The following AMY2B variants were observed in gnomAD, a reference collection of about 807,000 sequenced individuals.
AMY2B encodes the protein alpha-amylase 2B.
AMY2B carries 63 observed loss-of-function variants against 59.3 expected under a neutral mutation model. The ratio of observed to expected loss-of-function variants is 1.06; its 90% CI spans 0.87 to 1.31. The LOEUF (loss-of-function observed/expected upper bound fraction) is 1.31, where lower values mean the gene tolerates loss of function less well. Among genes scored for constraint, AMY2B ranks in the 50% most tolerant of loss-of-function variants. AMY2B has a pLI of 0.00. For missense variants in AMY2B, 635 were observed against 626.7 expected (o/e 1.01, Z -0.14); for synonymous variants, 180 against 198.1 (o/e 0.91, Z 0.77).
chr1:103,575,293 C>G lies in AMY2B; in HGVS notation c.949C>G (p.Gln317Glu). 1 of 1,613,632 alleles carries G rather than the reference C, an allele frequency of 6.2e-7. No homozygotes were observed. The highest frequency in any genetic ancestry group is 8.5e-7 in the Non-Finnish European group (1 of 1,179,688). Residue 317 changes from glutamine (Q) to glutamate (E), a missense_variant, in exon 6 of 10, where the codon CAA becomes GAA. By Grantham distance (29) the Gln-to-Glu change is conservative (BLOSUM62 2). Coordinates refer to ENST00000684275, the MANE Select transcript of AMY2B (RefSeq NM_001387437.1). ...ALVFVDNHDN[Q>E]RGHGAGGASI... is the part of the protein sequence containing the mutation. ...TGTCTTTGTGGATAACCATGACAATCAACGAGGACATGGGGCTGGAGGAGC... is the reference window on the plus strand; with the variant it reads ...TGTCTTTGTGGATAACCATGACAATGAACGAGGACATGGGGCTGGAGGAGC...
At chr1:103,571,961 A>G in intron 1 of AMY2B, 149 bp from the exon 2 acceptor site, 1 of 1,535,566 alleles carries the variant, frequency 6.5e-7, no homozygotes, top group Non-Finnish European at 8.7e-7. Context: ...TCTTTCTTCA[A>G]CAAGAGCCCT....
At position 103,571,948 on chromosome 1, in the gene AMY2B, T is replaced by C. The variant is rs545877460; in HGVS notation, c.169-162T>C. Among the ~76,000 whole-genome samples, 7 of 152,344 alleles carry C rather than the reference T, an allele frequency of 4.6e-5. No individual in the cohort carries two copies. In the South Asian group the frequency reaches 1.0e-3, roughly 23 times the overall value. On this transcript the variant is annotated intron_variant, in intron 1 of 9. Transcript: ENST00000684275. ...GCAACTTTATATTTTGTTTCTGAGA[T>C]AATCTTTCTTCAACAAGAGCCCTCC... is the stretch of plus-strand genomic sequence containing the variant.
intron 2 of AMY2B, among the ~76,000 whole-genome samples, chr1:103,566,039 C>T (rs1288921112): frequency 1.3e-5 from 2 of 152,130 alleles, no homozygotes; most frequent in African/African-American, 4.8e-5. Flanking sequence ...ACTGTCATGT[C>T]TCCCTCACAC....
rs1416953664 is a variant in AMY2B, at chr1:103,574,464, T to A, written c.878+71T>A. On this transcript the variant is annotated intron_variant, in intron 5 of 9. Transcript: ENST00000684275. ...AGTCATAGTACCCCAGTGTGAGTTA[T>A]CTTCTGGAACATTCTTTTTCAGACA... 66 of 1,603,474 alleles carry A rather than the reference T, an allele frequency of 4.1e-5. 1 individual carries two copies. Among genetic ancestry groups the A allele is most frequent in the Non-Finnish European group, 5.5e-5 (65 of 1,178,672 alleles).
At chr1:103,578,495 G>C (rs1049475206) in intron 9 of AMY2B, among the ~76,000 whole-genome samples, 3 of 152,034 alleles carry the variant, frequency 2.0e-5, no homozygotes, top group African/African-American at 7.2e-5. Context: ...AGAAGACCTC[G>C]TTGCAAACAG....
intron 4 of AMY2B, 120 bp from the exon 5 acceptor site, chr1:103,574,140 G>A (rs1316102886): frequency 6.7e-7 from 1 of 1,488,634 alleles, no homozygotes; most frequent in Non-Finnish European, 9.0e-7. Context: ...ATAATAAATA[G>A]CTTAATTTAT....
At chr1:103,567,722 C>A (rs1394877686), upstream of AMY2B, among the ~76,000 whole-genome samples, 2 of 152,140 alleles carry the variant, frequency 1.3e-5, no homozygotes, top group African/African-American at 4.8e-5. Flanking sequence ...GCCTTAACAG[C>A]TCTCTCTTTC....
intron 1 of AMY2B, among the ~76,000 whole-genome samples, chr1:103,559,687 G>T (rs547527430): frequency 1.3e-5 from 2 of 152,142 alleles, no homozygotes; most frequent in African/African-American, 4.8e-5. Context: ...AATTTCAAGA[G>T]AAAACTCAAA....
chr1:103,570,452 T>TGGC (rs1220379002), upstream of AMY2B: 12 of 754,620 alleles, frequency 1.6e-5, no homozygotes, highest in Non-Finnish European at 2.8e-5. Flanking sequence ...TGCTATCTGG[T>TGGC]GGCAACATGT....
chr1:103,562,695 A>G (rs1360382479), intron 1 of AMY2B, among the ~76,000 whole-genome samples: 4 of 142,812 alleles, frequency 2.8e-5, no homozygotes, highest in Admixed American at 7.0e-5. Flanking sequence ...TTTTTTGTCA[A>G]TGTTAATTCA....
intron 9 of AMY2B, among the ~76,000 whole-genome samples, chr1:103,578,392 G>A (rs1652446214): frequency 6.6e-6 from 1 of 152,086 alleles, no homozygotes; most frequent in Non-Finnish European, 1.5e-5. Flanking sequence ...CAGGGGATTT[G>A]AGTTTTAGTT....
chr1:103,568,873 G>C (rs1199215644), upstream of AMY2B: 1 of 151,654 alleles, frequency 6.6e-6, no homozygotes, highest in Admixed American at 6.6e-5. Flanking sequence ...TTGTTCTCAT[G>C]CTGCTATAAA....
intron 1 of AMY2B, among the ~76,000 whole-genome samples, chr1:103,557,040 C>T (rs1461387475): frequency 1.3e-5 from 2 of 152,120 alleles, no homozygotes; most frequent in Non-Finnish European, 2.9e-5. Flanking sequence ...ATAGAGTTCT[C>T]ATCCCAAGTA....
chr1:103,563,729 G>GA (rs551713946), intron 1 of AMY2B, among the ~76,000 whole-genome samples: 89 of 152,134 alleles, frequency 5.9e-4, no homozygotes, highest in Admixed American at 2.6e-3. Context: ...AATGCATTGT[G>GA]AAAAATGCTG....
upstream of AMY2B, chr1:103,570,297 C>T: frequency 1.7e-6 from 1 of 593,758 alleles, no homozygotes; most frequent in South Asian, 1.4e-5. Flanking sequence ...ATGTCATCAC[C>T]ATCGGCAATG....
chr1:103,562,148 G>T (rs77936339), intron 1 of AMY2B: 1 of 152,100 alleles, frequency 6.6e-6, no homozygotes, highest in Admixed American at 6.6e-5. Flanking sequence ...CCAACTTTTT[G>T]TCTTGAAATA....
intron 4 of AMY2B, 87 bp downstream of exon 4, chr1:103,574,025 G>T: frequency 1.9e-6 from 3 of 1,600,292 alleles, no homozygotes; most frequent in Non-Finnish European, 2.6e-6. Flanking sequence ...ATTTCTATAG[G>T]ATAAGGACTG....
intron 1 of AMY2B, among the ~76,000 whole-genome samples, chr1:103,556,318 A>G (rs534137376): frequency 6.6e-6 from 1 of 152,302 alleles, no homozygotes; most frequent in African/African-American, 2.4e-5. Context: ...CCCTAGGTGA[A>G]TAAGACAGTG....
At chr1:103,557,057 C>T (rs1651575457) in intron 1 of AMY2B, among the ~76,000 whole-genome samples, 2 of 152,052 alleles carry the variant, frequency 1.3e-5, no homozygotes, top group African/African-American at 4.8e-5. Flanking sequence ...AGTACTTAAG[C>T]TGCAAAATGT....
Sources: gnomAD v4.1 joint callset for allele counts (sites outside exome capture counted in the v4.1 genomes callset) on GRCh38, gnomAD v4.1.1 for gene constraint, MANE v1.5 for transcripts, NCBI Gene and HGNC (gene_info 2026-07-23, HGNC 2026-07-21) for gene names.